Variants in SHOC1 observed in about 807,000 individuals in gnomAD.
SHOC1 encodes the protein shortage in chiasmata 1.
A neutral mutation model predicts 179.2 loss-of-function variants in SHOC1; 136 were observed. The observed-to-expected ratio is 0.76, with a 90% CI of 0.66 to 0.87. SHOC1 has a LOEUF of 0.87. Among genes scored for constraint, SHOC1 ranks in the 40% least tolerant of loss-of-function variants. The pLI is 0.00. For missense variants in SHOC1, 1,538 were observed against 1,700.8 expected (o/e 0.90, Z 1.68); for synonymous variants, 489 against 586.6 (o/e 0.83, Z 2.41).
chr9:111,774,876 G>C (rs533897108), intron 5 of SHOC1, among the ~76,000 whole-genome samples: 22 of 151,998 alleles, frequency 1.4e-4, no homozygotes, highest in South Asian at 8.3e-4. Flanking sequence ...TTTAAAAAAA[G>C]AATAGGCTGT....
chr9:111,744,826 T>G (rs1182912310), intron 10 of SHOC1, among the ~76,000 whole-genome samples: 1 of 152,166 alleles, frequency 6.6e-6, no homozygotes, highest in African/African-American at 2.4e-5. Flanking sequence ...TAATCAATCT[T>G]AGAAAACATT....
intron 17 of SHOC1, 147 bp downstream of exon 17, chr9:111,714,298 G>A (rs1425282907): frequency 1.4e-6 from 1 of 695,692 alleles, no homozygotes; most frequent in Non-Finnish European, 2.3e-6. Flanking sequence ...GTCTGATTCT[G>A]TTCTGTTACC....
At chr9:111,716,077 G>A (rs1352349149) in intron 16 of SHOC1, among the ~76,000 whole-genome samples, 1 of 152,094 alleles carries the variant, frequency 6.6e-6, no homozygotes, top group African/African-American at 2.4e-5. Context: ...AGGTATAGAG[G>A]AAAGAGAAAG....
intron 5 of SHOC1, among the ~76,000 whole-genome samples, chr9:111,769,881 AG>A (rs1254257906): frequency 6.6e-6 from 1 of 150,706 alleles, no homozygotes; most frequent in Admixed American, 6.6e-5. Flanking sequence ...TGTATTTCTG[AG>A]GTCTCAGTTA....
At chr9:111,710,180 C>T (rs1832477940) in intron 18 of SHOC1, among the ~76,000 whole-genome samples, 2 of 152,116 alleles carry the variant, frequency 1.3e-5, no homozygotes, top group African/African-American at 4.8e-5. Flanking sequence ...ATTGCTCTAA[C>T]ATTTTGGTAC....
chr9:111,700,342 C>CA (rs71302618), intron 23 of SHOC1, among the ~76,000 whole-genome samples: 34,379 of 151,248 alleles, frequency 0.23, 4,918 homozygotes, highest in East Asian at 0.35. Flanking sequence ...GCTTTATGAC[C>CA]AAATCCTAGC....
Position 111,756,313 on chromosome 9 carries a change from A to G in SHOC1, c.862+12T>C. ...GTTTTTACAAGTAATACATTTTACA[A>G]TTAATTCTCACCTCTTTCAAAAAGC... On this transcript the variant is annotated intron_variant, in intron 8 of 27. Coordinates refer to ENST00000682961, the MANE Select transcript of SHOC1 (RefSeq NM_001378211.1). 1 of 1,576,352 alleles carries G rather than the reference A, an allele frequency of 6.3e-7. No individual in the cohort carries two copies. The highest frequency in any genetic ancestry group is 2.3e-5 in the East Asian group (1 of 44,328).
rs765405688 is a variant in SHOC1 at position 111,692,092 on chromosome 9, A to C, written c.3885T>G (p.Phe1295Leu). The change falls in exon 27 of 28, where the codon TTT becomes TTG. Residue 1295 changes from phenylalanine to leucine, a missense_variant. By Grantham distance (22) the Phe-to-Leu change is conservative (BLOSUM62 0). Transcript: ENST00000682961. ...LNHSDSESDV[F>L]SLGLTQMNCE... is the part of the protein sequence containing the mutation. ...AGTTCATTTGTGTTAGACCCAAAGA[A>C]AAGACATCTGACTCTGAATCACTGT... is the stretch of plus-strand genomic sequence containing the variant. 1 of 1,613,954 alleles carries C rather than the reference A, an allele frequency of 6.2e-7. No individual in the cohort carries two copies. Among genetic ancestry groups the C allele is most frequent in the East Asian group, 2.2e-5 (1 of 44,854 alleles).
At chr9:111,758,342 T>C in intron 6 of SHOC1, 147 bp from the exon 7 acceptor site, 2 of 573,184 alleles carry the variant, frequency 3.5e-6, no homozygotes, top group South Asian at 5.0e-5. Context: ...ACGCCTGTAA[T>C]CCCAGCACTT....
intron 10 of SHOC1, among the ~76,000 whole-genome samples, chr9:111,744,438 GAT>G (rs947789365): frequency 8.2e-4 from 125 of 152,306 alleles, no homozygotes; most frequent in African/African-American, 2.7e-3. Flanking sequence ...TTAGCCAGAA[GAT>G]AAAGATATAT....
rs759428757 is a variant in SHOC1, at chr9:111,706,708, C to T, written c.2597G>A (p.Gly866Glu). ...GAAATTACTCCAGGGGAAATCTGCT[C>T]CAATATATTGATTATGTACAACTAC... ...SCVVVHNQYIGADFPWSNFSF... is the reference protein window; with the variant it reads ...SCVVVHNQYIEADFPWSNFSF... The change falls in exon 20 of 28, where the codon GGA becomes GAA. Residue 866 changes from glycine (G) to glutamate (E), a missense_variant. Coordinates refer to ENST00000682961, the MANE Select transcript of SHOC1 (RefSeq NM_001378211.1). 1.2e-6 allele frequency: 2 copies of T among 1,606,898 alleles called. No homozygotes were observed. The highest frequency in any genetic ancestry group is 1.3e-5 in the African/African-American group (1 of 74,438).
intron 11 of SHOC1, among the ~76,000 whole-genome samples, chr9:111,740,688 C>T (rs1421547364): frequency 3.9e-5 from 6 of 152,194 alleles, no homozygotes; most frequent in African/African-American, 9.7e-5. Flanking sequence ...TCTCCTGCCT[C>T]AGCCTCCAGA....
At chr9:111,763,997 C>A (rs562810616) in intron 5 of SHOC1, among the ~76,000 whole-genome samples, 1 of 152,278 alleles carries the variant, frequency 6.6e-6, no homozygotes, top group African/African-American at 2.4e-5. Context: ...CAGTTACCCA[C>A]AGTCAACTGC....
intron 12 of SHOC1, among the ~76,000 whole-genome samples, chr9:111,731,686 C>T (rs1833576531): frequency 6.6e-6 from 1 of 151,840 alleles, no homozygotes; most frequent in South Asian, 2.1e-4. Flanking sequence ...TGATAATTAC[C>T]AAAATGTGAC....
At chr9:111,781,664 A>C (rs1256940198) in intron 3 of SHOC1, among the ~76,000 whole-genome samples, 1 of 152,228 alleles carries the variant, frequency 6.6e-6, no homozygotes, top group African/African-American at 2.4e-5. Flanking sequence ...CAGAGGCTGC[A>C]GTGAGCAGAG....
chr9:111,788,292 G>A (rs1836338310), intron 2 of SHOC1, among the ~76,000 whole-genome samples: 1 of 150,452 alleles, frequency 6.6e-6, no homozygotes, highest in African/African-American at 2.4e-5. Flanking sequence ...GATTACAAGC[G>A]CCCACCACCA....
At chr9:111,773,755 C>A (rs1246971245) in intron 5 of SHOC1, among the ~76,000 whole-genome samples, 1 of 151,972 alleles carries the variant, frequency 6.6e-6, no homozygotes, top group Admixed American at 6.6e-5. Flanking sequence ...TATCAATAAA[C>A]CAACAACCAT....
intron 23 of SHOC1, among the ~76,000 whole-genome samples, chr9:111,701,789 A>G (rs1372508170): frequency 6.6e-6 from 1 of 152,204 alleles, no homozygotes. Context: ...CCTGATAACA[A>G]GTGTATACAA....
intron 16 of SHOC1, among the ~76,000 whole-genome samples, chr9:111,715,295 A>C (rs1290602407): frequency 6.6e-6 from 1 of 152,210 alleles, no homozygotes; most frequent in Non-Finnish European, 1.5e-5. Flanking sequence ...TCAGGTGTTT[A>C]ATGAATATTT....
Sources: allele counts gnomAD v4.1 joint callset (sites outside exome capture counted in the v4.1 genomes callset), GRCh38; gene constraint gnomAD v4.1.1; transcripts MANE v1.5; gene names NCBI Gene and HGNC (gene_info 2026-07-23, HGNC 2026-07-21).